The following PMPCB variants were observed in gnomAD, a reference collection of about 807,000 sequenced individuals.
PMPCB encodes mitochondrial-processing peptidase subunit beta.
PMPCB carries 46 observed loss-of-function variants against 61.5 expected under a neutral mutation model. The ratio of observed to expected loss-of-function variants is 0.75; its 90% confidence interval spans 0.59 to 0.96. The LOEUF (loss-of-function observed/expected upper bound fraction) is 0.96. PMPCB is among the 40% of genes least tolerant of loss of function. PMPCB has a pLI of 0.00. For missense variants in PMPCB, 590 were observed against 602.4 expected, an observed-to-expected ratio of 0.98 and a Z score of 0.22; for synonymous variants, 191 against 201.6, an observed-to-expected ratio of 0.95 and a Z score of 0.44.
chr7:103,313,168 A>G lies in PMPCB; in HGVS notation c.*897A>G. On this transcript the variant is annotated 3_prime_UTR_variant, in exon 13 of 13. Coordinates refer to ENST00000249269, the MANE Select transcript of PMPCB (RefSeq NM_004279.3). Reference sequence around the variant, plus strand: ...TGTTCTCAGACAAGTCTTGTGGTCCACAAGTATTCGCTAAGTGCCCATTTC... The same window carrying G: ...TGTTCTCAGACAAGTCTTGTGGTCCGCAAGTATTCGCTAAGTGCCCATTTC... The G allele has an allele frequency of 1.3e-6, 2 of 1,519,068 alleles. No homozygotes were observed. Among genetic ancestry groups the G allele is most frequent in the Non-Finnish European group, 1.8e-6 (2 of 1,140,668 alleles). 94.1% of individuals were successfully genotyped at this position (1,519,068 alleles called of 1,614,324 possible).
chr7:103,319,848 A>G, intron 12 of PMPCB: 9 of 1,613,990 alleles, frequency 5.6e-6, no homozygotes, highest in Non-Finnish European at 7.6e-6. Flanking sequence ...TCCAGGTCTA[A>G]AAGCACAAAC....
downstream of PMPCB, chr7:103,316,636 A>G (rs1818072679): frequency 3.4e-6 from 2 of 581,110 alleles, no homozygotes; most frequent in East Asian, 2.8e-5. Flanking sequence ...TGTCATATGT[A>G]TATGTGCATG....
At position 103,312,679 on chromosome 7, in the gene PMPCB, G is replaced by A. The variant is rs774762103; in HGVS notation, c.*408G>A. Reference sequence around the variant, plus strand: ...AGAAAGGTGTGATTTAAGAAGTTGCGATTTAAAAACAGACATTTTAATCTA... The same window carrying A: ...AGAAAGGTGTGATTTAAGAAGTTGCAATTTAAAAACAGACATTTTAATCTA... On this transcript the variant is annotated 3_prime_UTR_variant, in exon 13 of 13. Transcript: ENST00000249269. 1.7e-5 allele frequency: 28 copies of A among 1,603,370 alleles called. No homozygotes were observed. The South Asian group carries it at 2.6e-4, about 15-fold the overall frequency.
At chr7:103,332,585 T>G (rs2115996222), downstream of PMPCB, among the ~76,000 whole-genome samples, 1 of 152,322 alleles carries the variant, frequency 6.6e-6, no homozygotes, top group African/African-American at 2.4e-5. Flanking sequence ...AAAATTGTTT[T>G]TAGGAGTAAA....
chr7:103,320,402 A>G (rs1473534978), intron 12 of PMPCB, among the ~76,000 whole-genome samples: 2 of 151,958 alleles, frequency 1.3e-5, no homozygotes, highest in African/African-American at 4.8e-5. Flanking sequence ...AACTTTTTCT[A>G]AATTTCAGGT....
Position 103,312,788 on chromosome 7 carries a change from T to G in PMPCB, c.*517T>G. On this transcript the variant is annotated 3_prime_UTR_variant, in exon 13 of 13. Transcript: ENST00000249269. The stretch of plus-strand genomic sequence containing the variant: ...ATTATCTGCCAGGGCCTAGAAAGTT[T>G]CTAAGGTTGCTCATTTCTTCCTCAT... The G allele has an allele frequency of 6.6e-7, 1 of 1,510,324 alleles. No individual in the cohort carries two copies. Among genetic ancestry groups the G allele is most frequent in the Non-Finnish European group, 8.8e-7 (1 of 1,137,744 alleles). 93.6% of individuals were successfully genotyped at this position (1,510,324 alleles called of 1,614,324 possible).
rs1817310209 is a variant in PMPCB, at chr7:103,297,456, A to G, written c.-4A>G. 6.5e-7 allele frequency: 1 copy of G among 1,545,210 alleles called. No individual in the cohort carries two copies. Among genetic ancestry groups the G allele is most frequent in the Non-Finnish European group, 8.7e-7 (1 of 1,145,360 alleles). On this transcript the variant is annotated 5_prime_UTR_variant, in exon 1 of 13. Coordinates refer to ENST00000249269, the MANE Select transcript of PMPCB (RefSeq NM_004279.3). ...CTTCATCCTCTACCTTCCTTCTAGC[A>G]GAAATGGCGGCTGCGGCGGCTCGAG...
rs772291125 is a variant in PMPCB, at chr7:103,312,690, A to G, written c.*419A>G. The G allele has an allele frequency of 6.2e-7, 1 of 1,603,932 alleles. No individual in the cohort carries two copies. Among genetic ancestry groups the G allele is most frequent in the Non-Finnish European group, 8.5e-7 (1 of 1,177,508 alleles). Reference sequence around the variant, plus strand: ...ATTTAAGAAGTTGCGATTTAAAAACAGACATTTTAATCTAGTGTTTGGTGT... The same window carrying G: ...ATTTAAGAAGTTGCGATTTAAAAACGGACATTTTAATCTAGTGTTTGGTGT... On this transcript the variant is annotated 3_prime_UTR_variant, in exon 13 of 13. Transcript: ENST00000249269.
At chr7:103,347,202 T>C in the PMPCB span, among the ~76,000 whole-genome samples, 11 of 151,044 alleles carry the variant, frequency 7.3e-5, no homozygotes, top group Admixed American at 6.6e-5. Flanking sequence ...CCAACACTTA[T>C]TTTCTGTTTT....
intron 4 of PMPCB, among the ~76,000 whole-genome samples, chr7:103,301,579 A>G (rs1308546450): frequency 2.0e-5 from 3 of 152,172 alleles, no homozygotes; most frequent in Non-Finnish European, 4.4e-5. Flanking sequence ...CCTGGCATCT[A>G]GCTGGGAACG....
chr7:103,309,150 TTAAATA>T, intron 8 of PMPCB, 55 bp downstream of exon 8: 1 of 1,418,162 alleles, frequency 7.1e-7, no homozygotes. Flanking sequence ...TCATGTTTTC[TTAAATA>T]TAAGTTCTTT....
At chr7:103,304,552 A>G (rs1817530304) in intron 6 of PMPCB, 62 bp downstream of exon 6, 2 of 1,066,248 alleles carry the variant, frequency 1.9e-6, no homozygotes, top group East Asian at 4.7e-5. Flanking sequence ...TATGCTTATT[A>G]GTTTGATCCT....
intron 2 of PMPCB, 44 bp from the exon 3 acceptor site, chr7:103,299,399 A>T: frequency 8.1e-7 from 1 of 1,232,392 alleles, no homozygotes; most frequent in Non-Finnish European, 1.2e-6. Context: ...CCAACCTCAA[A>T]TAAATAAAAT....
chr7:103,304,351 T>C, intron 5 of PMPCB, 60 bp from the exon 6 acceptor site: 1 of 948,072 alleles, frequency 1.1e-6, no homozygotes, highest in Non-Finnish European at 1.7e-6. Flanking sequence ...TTCAGGTATA[T>C]TATGTGAAGA....
Position 103,312,039 on chromosome 7 carries a change from T to G in PMPCB, c.1330-17T>G. ...TTTACTACAAACAGCTGAATGACAG[T>G]GTCTTCCATATTTCAGGCTGTGAAT... On this transcript the variant is annotated splice_polypyrimidine_tract_variant and intron_variant, in intron 11 of 12. Transcript: ENST00000249269. The G allele has an allele frequency of 6.2e-7, 1 of 1,609,736 alleles. No individual in the cohort carries two copies. Among genetic ancestry groups the G allele is most frequent in the Non-Finnish European group, 8.5e-7 (1 of 1,177,372 alleles).
downstream of PMPCB, chr7:103,316,014 C>T (rs1257364867): frequency 1.3e-6 from 2 of 1,599,920 alleles, no homozygotes; most frequent in Non-Finnish European, 1.7e-6. Flanking sequence ...CTTTGCTTTG[C>T]CAATAACATC....
chr7:103,334,874 C>T, the PMPCB span, among the ~76,000 whole-genome samples: 1 of 152,152 alleles, frequency 6.6e-6, no homozygotes, highest in Non-Finnish European at 1.5e-5. Context: ...CCCTCTGTCA[C>T]CCAGGCTGGA....
chr7:103,309,983 A>G (rs1018018776), intron 8 of PMPCB, among the ~76,000 whole-genome samples: 1 of 152,222 alleles, frequency 6.6e-6, no homozygotes, highest in Non-Finnish European at 1.5e-5. Flanking sequence ...TTCATATGCA[A>G]TATAACTTTG....
chr7:103,329,086 A>C, exon 13 of PMPCB: 1 of 920,202 alleles, frequency 1.1e-6, no homozygotes, highest in Non-Finnish European at 1.5e-6. Context: ...CTGGTGGTCA[A>C]CAATTTTTTT....
Sources: allele counts gnomAD v4.1 joint callset (sites outside exome capture counted in the v4.1 genomes callset), GRCh38; gene constraint gnomAD v4.1.1; transcripts MANE v1.5; gene names NCBI Gene and HGNC (gene_info 2026-07-23, HGNC 2026-07-21).